The following DCC variants were observed in gnomAD, a reference collection of about 807,000 sequenced individuals.
DCC encodes the protein netrin receptor DCC.
In DCC, 58 loss-of-function variants were observed where a neutral mutation model predicts 172.5. The observed-to-expected ratio is 0.34, with a 90% CI of 0.27 to 0.42. The LOEUF (loss-of-function observed/expected upper bound fraction) is 0.42, where lower values mean the gene tolerates loss of function less well. Among genes scored for constraint, DCC ranks in the 10% least tolerant of loss-of-function variants. The pLI is 1.00. For missense variants in DCC, 1,740 were observed against 1,791.0 expected, an observed-to-expected ratio of 0.97 and a Z score of 0.51; for synonymous variants, 709 against 644.5, an observed-to-expected ratio of 1.10 and a Z score of -1.52.
chr18:53,315,726 T>C (rs192753295), intron 13 of DCC, among the ~76,000 whole-genome samples: 16 of 152,320 alleles, frequency 1.1e-4, no homozygotes, highest in Admixed American at 9.2e-4. Flanking sequence ...ATGAGCTTTT[T>C]TTTTCATATA....
At chr18:53,260,338 C>A (rs2056579812) in intron 12 of DCC, among the ~76,000 whole-genome samples, 1 of 152,114 alleles carries the variant, frequency 6.6e-6, no homozygotes, top group South Asian at 2.1e-4. Flanking sequence ...GTGGTTTTAT[C>A]TACCTTTGGT....
At chr18:53,109,312 A>C (rs1598810680) in intron 7 of DCC, among the ~76,000 whole-genome samples, 3 of 151,466 alleles carry the variant, frequency 2.0e-5, no homozygotes, top group Non-Finnish European at 4.4e-5. Flanking sequence ...TTAATATTTT[A>C]TAATATTTAA....
intron 2 of DCC, among the ~76,000 whole-genome samples, chr18:52,842,668 A>G (rs2038826438): frequency 6.6e-6 from 1 of 152,142 alleles, no homozygotes; most frequent in Admixed American, 6.6e-5. Context: ...CTTAATCAGA[A>G]ATTCTGGAGA....
At chr18:53,420,957 G>A (rs1233137641) in intron 21 of DCC, among the ~76,000 whole-genome samples, 1 of 152,150 alleles carries the variant, frequency 6.6e-6, no homozygotes, top group African/African-American at 2.4e-5. Flanking sequence ...TTCCTAGAGT[G>A]TGCAGTCTTT....
rs559896645 is a variant in DCC, at chr18:52,646,037, G to A, written c.92-106017G>A. Among the ~76,000 whole-genome samples, 4 of 152,260 alleles carry A rather than the reference G, an allele frequency of 2.6e-5. No individual in the cohort carries two copies. The South Asian group carries it at 6.2e-4, about 24-fold the overall frequency. ...GCCATGATTTTGCTTTAGTTTGCAT[G>A]ATGACATACTGGAGAGGAGGAAGGG... On this transcript the variant is annotated intron_variant, in intron 1 of 28. Coordinates refer to ENST00000442544, the MANE Select transcript of DCC (RefSeq NM_005215.4).
intron 15 of DCC, among the ~76,000 whole-genome samples, chr18:53,358,748 C>G (rs563527923): frequency 1.3e-5 from 2 of 151,956 alleles, no homozygotes; most frequent in Non-Finnish European, 2.9e-5. Flanking sequence ...TCTCAAACTC[C>G]TGACCTCGTG....
chr18:52,807,210 G>T (rs1300289867), intron 2 of DCC, among the ~76,000 whole-genome samples: 1 of 152,070 alleles, frequency 6.6e-6, no homozygotes, highest in Non-Finnish European at 1.5e-5. Flanking sequence ...TCAGAGTTAA[G>T]GTGGAGTGGT....
At chr18:52,663,189 T>A (rs1598998729) in intron 1 of DCC, among the ~76,000 whole-genome samples, 1 of 152,192 alleles carries the variant, frequency 6.6e-6, no homozygotes, top group East Asian at 1.9e-4. Flanking sequence ...ATGTAAGGTC[T>A]TTTTCCCAAC....
intron 12 of DCC, among the ~76,000 whole-genome samples, chr18:53,226,837 A>G (rs2056036326): frequency 6.6e-6 from 1 of 151,020 alleles, no homozygotes; most frequent in Non-Finnish European, 1.5e-5. Context: ...ATCAGTCATT[A>G]TTAACTTAAA....
chr18:52,925,174 A>G, intron 4 of DCC, 60 bp from the exon 5 acceptor site: 1 of 1,521,730 alleles, frequency 6.6e-7, no homozygotes, highest in Non-Finnish European at 9.1e-7. Context: ...TAAAGCTCTG[A>G]GTATCTTGCT....
intron 5 of DCC, among the ~76,000 whole-genome samples, chr18:52,984,437 G>A (rs2041260414): frequency 6.6e-6 from 1 of 151,886 alleles, no homozygotes; most frequent in Admixed American, 6.6e-5. Context: ...ATCATTAATA[G>A]AAAATTAAGT....
chr18:52,667,132 G>A (rs1402206716), intron 1 of DCC, among the ~76,000 whole-genome samples: 1 of 152,144 alleles, frequency 6.6e-6, no homozygotes, highest in Non-Finnish European at 1.5e-5. Flanking sequence ...AGGCCCAAAT[G>A]AGGAGAGGGA....
chr18:53,363,069 C>G (rs918153448), intron 15 of DCC, among the ~76,000 whole-genome samples: 7 of 152,100 alleles, frequency 4.6e-5, no homozygotes, highest in Non-Finnish European at 8.8e-5. Context: ...TAAACTGAGG[C>G]TTAGAAGGTT....
At chr18:53,195,377 C>T (rs2055428212) in intron 9 of DCC, among the ~76,000 whole-genome samples, 1 of 152,058 alleles carries the variant, frequency 6.6e-6, no homozygotes. Flanking sequence ...TTCTTTGAGT[C>T]TCATGAAAGA....
intron 7 of DCC, among the ~76,000 whole-genome samples, chr18:53,067,656 T>G (rs190987380): frequency 3.6e-4 from 55 of 152,300 alleles, no homozygotes; most frequent in African/African-American, 1.3e-3. Context: ...CTGAAATGAT[T>G]AAAGAAGTTT....
chr18:53,043,309 G>C (rs2042194587), intron 5 of DCC, among the ~76,000 whole-genome samples: 1 of 150,784 alleles, frequency 6.6e-6, no homozygotes, highest in African/African-American at 2.4e-5. Context: ...AGTGGGGCCT[G>C]CTGGGGGTTG....
chr18:53,122,116 G>A (rs1282018925), intron 7 of DCC, among the ~76,000 whole-genome samples: 1 of 151,884 alleles, frequency 6.6e-6, no homozygotes, highest in Non-Finnish European at 1.5e-5. Flanking sequence ...TTAACCAACT[G>A]AGTGACTGAT....
intron 22 of DCC, among the ~76,000 whole-genome samples, chr18:53,439,454 A>T (rs1912132972): frequency 6.6e-6 from 1 of 152,218 alleles, no homozygotes; most frequent in Non-Finnish European, 1.5e-5. Flanking sequence ...AGAATTATAG[A>T]GGTTTCCTAG....
intron 1 of DCC, among the ~76,000 whole-genome samples, chr18:52,488,580 ATCT>A (rs1385631728): frequency 6.6e-6 from 1 of 152,078 alleles, no homozygotes; most frequent in African/African-American, 2.4e-5. Context: ...TTCTCTAGAG[ATCT>A]TCTTGTGAAC....
Sources: allele counts gnomAD v4.1 joint callset (sites outside exome capture counted in the v4.1 genomes callset), GRCh38; gene constraint gnomAD v4.1.1; transcripts MANE v1.5; gene names NCBI Gene and HGNC (gene_info 2026-07-23, HGNC 2026-07-21).